CADPS: variants seen among roughly 807,000 people sequenced by gnomAD.
CADPS encodes the protein calcium dependent secretion activator.
CADPS carries 57 observed loss-of-function variants against 167.3 expected under a neutral mutation model. The observed-to-expected ratio is 0.34, with a 90% CI of 0.28 to 0.42. The LOEUF is 0.42. CADPS is among the 20% of genes least tolerant of loss of function. CADPS has a pLI of 1.00. For synonymous variants in CADPS, 676 were observed against 635.3 expected, an observed-to-expected ratio of 1.06 and a Z score of -0.96; for missense variants, 1,414 against 1,738.1, an observed-to-expected ratio of 0.81 and a Z score of 3.32.
intron 29 of CADPS, among the ~76,000 whole-genome samples, chr3:62,401,994 G>C (rs1706400676): frequency 1.3e-5 from 2 of 152,122 alleles, no homozygotes; most frequent in Admixed American, 1.3e-4. Context: ...CTGGTCCTAA[G>C]GAACTGAAGT....
At chr3:62,796,410 A>G (rs1205777461) in intron 1 of CADPS, 1 of 152,192 alleles carries the variant, frequency 6.6e-6, no homozygotes, top group Non-Finnish European at 1.5e-5. Context: ...ACAAGCTACC[A>G]TGCTGTGGCT....
At chr3:62,521,988 G>A (rs182325462) in intron 13 of CADPS, among the ~76,000 whole-genome samples, 8 of 152,260 alleles carry the variant, frequency 5.3e-5, no homozygotes, top group East Asian at 1.9e-4. Context: ...ATAAACAGAC[G>A]GAATTTGCTT....
At chr3:62,511,116 C>G (rs956524943) in intron 17 of CADPS, among the ~76,000 whole-genome samples, 1 of 152,188 alleles carries the variant, frequency 6.6e-6, no homozygotes, top group Non-Finnish European at 1.5e-5. Context: ...GCAGTTGAGA[C>G]CTGTGGAATC....
At chr3:62,851,509 T>G (rs1290617580) in intron 1 of CADPS, among the ~76,000 whole-genome samples, 11 of 149,374 alleles carry the variant, frequency 7.4e-5, no homozygotes, top group Admixed American at 1.3e-4. Flanking sequence ...GTCTGTAAAG[T>G]ATTTTATTTC....
At chr3:62,481,944 T>C (rs983413738) in intron 21 of CADPS, 75 bp from the exon 22 acceptor site, 5 of 1,421,464 alleles carry the variant, frequency 3.5e-6, no homozygotes, top group African/African-American at 1.5e-5. Flanking sequence ...ACACGACAAT[T>C]GTAAATAAAT....
chr3:62,791,652 G>C (rs545566168), intron 1 of CADPS, among the ~76,000 whole-genome samples: 1 of 152,138 alleles, frequency 6.6e-6, no homozygotes, highest in African/African-American at 2.4e-5. Context: ...AAGTCAGCAG[G>C]TACCAGTATC....
chr3:62,625,059 G>C (rs773123787), intron 6 of CADPS, among the ~76,000 whole-genome samples: 30 of 148,812 alleles, frequency 2.0e-4, no homozygotes, highest in Non-Finnish European at 3.5e-4. Flanking sequence ...GTTGACTACA[G>C]CTTGTTGGAG....
At chr3:62,707,253 T>A (rs55910431) in intron 3 of CADPS, among the ~76,000 whole-genome samples, 1 of 151,832 alleles carries the variant, frequency 6.6e-6, no homozygotes, top group Non-Finnish European at 1.5e-5. Context: ...ATCTCCATTG[T>A]ATGCTCCTTA....
intron 6 of CADPS, among the ~76,000 whole-genome samples, chr3:62,621,451 C>T (rs1469817683): frequency 6.6e-6 from 1 of 152,070 alleles, no homozygotes; most frequent in African/African-American, 2.4e-5. Context: ...CCACAAGCCC[C>T]AAAGTCCTAT....
chr3:62,431,610 C>T (rs542059574), intron 28 of CADPS, among the ~76,000 whole-genome samples: 93 of 151,222 alleles, frequency 6.1e-4, no homozygotes, highest in South Asian at 2.7e-3. Context: ...ACAATTGGCA[C>T]GGCAGTCCCT....
intron 1 of CADPS, among the ~76,000 whole-genome samples, chr3:62,873,569 C>A (rs1055425140): frequency 1.3e-4 from 20 of 151,534 alleles, no homozygotes; most frequent in African/African-American, 4.8e-4. Flanking sequence ...TCTTGCAGTA[C>A]CCCTCATCCC....
At chr3:62,776,197 A>G (rs904688070) in intron 1 of CADPS, among the ~76,000 whole-genome samples, 1 of 152,156 alleles carries the variant, frequency 6.6e-6, no homozygotes, top group East Asian at 1.9e-4. Context: ...TCAGGAGGAG[A>G]GTGCTAGGGT....
intron 8 of CADPS, among the ~76,000 whole-genome samples, chr3:62,576,910 T>A (rs566886563): frequency 6.7e-6 from 1 of 149,336 alleles, no homozygotes; most frequent in Admixed American, 6.7e-5. Flanking sequence ...CTCCAGGCCA[T>A]ATTTTGTATC....
At chr3:62,693,732 C>G (rs2079672868) in intron 3 of CADPS, among the ~76,000 whole-genome samples, 1 of 150,536 alleles carries the variant, frequency 6.6e-6, no homozygotes, top group Non-Finnish European at 1.5e-5. Context: ...TTGTAGTGAG[C>G]CGAGATTGCA....
At position 62,414,249 on chromosome 3, in the gene CADPS, A is replaced by T. The variant is rs1478205763; in HGVS notation, c.3778-11064T>A. ...CCCTTATCCACCAGCCCCCGCTCCA[A>T]TTTTTCAAGCCAGATCTGCTCAAGC... On this transcript the variant is annotated intron_variant, in intron 28 of 29. Transcript: ENST00000383710. 1.3e-5 allele frequency among the ~76,000 whole-genome samples: 2 copies of T among 151,992 alleles called. 1 individual carries two copies. The highest frequency in any genetic ancestry group is 6.3e-3 in the Middle Eastern group (2 of 316).
At position 62,430,700 on chromosome 3, in the gene CADPS, T is replaced by A. The variant is rs75826618; in HGVS notation, c.3777+7404A>T. Among the ~76,000 whole-genome samples, 1,541 of 152,046 alleles carry A rather than the reference T, an allele frequency of 0.01. 68 individuals are homozygous for A. In the East Asian group the frequency reaches 0.14, roughly 14 times the overall value. On this transcript the variant is annotated intron_variant, in intron 28 of 29. Coordinates refer to ENST00000383710, the MANE Select transcript of CADPS (RefSeq NM_003716.4). ...CATACACACACACCCTATTTTAAAA[T>A]ATATATATCATATATATATAGATAC...
chr3:62,657,858 T>A (rs1283000122), intron 4 of CADPS, among the ~76,000 whole-genome samples: 1 of 152,118 alleles, frequency 6.6e-6, no homozygotes, highest in African/African-American at 2.4e-5. Context: ...TATGTGATGA[T>A]GAGAATGCTG....
intron 28 of CADPS, among the ~76,000 whole-genome samples, chr3:62,406,111 T>C (rs943489377): frequency 1.3e-5 from 2 of 152,200 alleles, no homozygotes; most frequent in African/African-American, 4.8e-5. Context: ...CCCTAAGGGA[T>C]GGAGCAGTGT....
intron 1 of CADPS, among the ~76,000 whole-genome samples, chr3:62,787,147 T>C (rs1015707804): frequency 2.0e-5 from 3 of 151,646 alleles, no homozygotes; most frequent in Admixed American, 6.6e-5. Flanking sequence ...TATAAAAAAT[T>C]AGCCGGGCAT....
Sources: gnomAD v4.1 joint callset for allele counts (sites outside exome capture counted in the v4.1 genomes callset) on GRCh38, gnomAD v4.1.1 for gene constraint, MANE v1.5 for transcripts, NCBI Gene and HGNC (gene_info 2026-07-23, HGNC 2026-07-21) for gene names.